TNRC6A: variants seen among roughly 807,000 people sequenced by gnomAD.
TNRC6A encodes trinucleotide repeat containing adaptor 6A.
TNRC6A carries 44 observed loss-of-function variants against 221.2 expected under a neutral mutation model. The observed-to-expected ratio is 0.20, with a 90% CI of 0.16 to 0.26. The LOEUF (loss-of-function observed/expected upper bound fraction) is 0.26, where lower values mean the gene tolerates loss of function less well. Ranked by LOEUF, TNRC6A falls within the 10% of genes least tolerant of loss-of-function variation. The pLI is 1.00. For synonymous variants in TNRC6A, 847 were observed against 838.5 expected, an observed-to-expected ratio of 1.01 and a Z score of -0.18; for missense variants, 2,199 against 2,404.4, an observed-to-expected ratio of 0.91 and a Z score of 1.79.
At chr16:24,637,191 C>T (rs1901680162) in intron 1 of TNRC6A, among the ~76,000 whole-genome samples, 2 of 152,122 alleles carry the variant, frequency 1.3e-5, no homozygotes, top group South Asian at 4.2e-4. Context: ...TACCACCATA[C>T]CTGGCTAGTT....
rs1430496433 is a variant in TNRC6A at position 24,797,556 on chromosome 16, A to T, written c.3628A>T (p.Asn1210Tyr). The T allele has an allele frequency of 1.2e-6, 2 of 1,611,534 alleles. No homozygotes were observed. The highest frequency in any genetic ancestry group is 2.2e-5 in the South Asian group (2 of 90,194). ...AAATCCATTTGTTAAACAGTTTTCA[A>T]ACATCAGTTTTTCGGTAAGTATGTT... ...WINPFVKQFS[N>Y]ISFSRDSPEE... The change falls in exon 10 of 25, where the codon AAC (asparagine) becomes TAC (tyrosine). Residue 1210 changes from asparagine (N) to tyrosine (Y), a missense_variant. Around this residue, in one of 8 missense-constraint regions of TNRC6A, gnomAD observed 158 missense variants for 159.1 expected, o/e 0.99. Transcript: ENST00000395799.
chr16:24,790,256 T>C lies in TNRC6A; in HGVS notation c.1614T>C (p.Asn538=). The C allele has an allele frequency of 6.2e-7, 1 of 1,614,226 alleles. No homozygotes were observed. The highest frequency in any genetic ancestry group is 8.5e-7 in the Non-Finnish European group (1 of 1,180,048). ...NYSGDKCSGP[N]GQANGDTVNA... is the part of the protein sequence containing the mutation. The stretch of plus-strand genomic sequence containing the variant: ...CTGGAGACAAATGTTCAGGCCCTAA[T>C]GGCCAAGCTAATGGTGACACTGTGA... Residue 538 remains asparagine, a synonymous_variant, in exon 6 of 25, where the codon AAT becomes AAC. Transcript: ENST00000395799.
intron 2 of TNRC6A, among the ~76,000 whole-genome samples, chr16:24,685,338 T>C (rs1432255699): frequency 1.3e-5 from 2 of 152,080 alleles, no homozygotes; most frequent in Non-Finnish European, 2.9e-5. Context: ...GTATTCTTTT[T>C]TGGCAGAAAG....
At chr16:24,666,196 C>T (rs533483446) in intron 2 of TNRC6A, among the ~76,000 whole-genome samples, 1 of 152,136 alleles carries the variant, frequency 6.6e-6, no homozygotes, top group Non-Finnish European at 1.5e-5. Context: ...CAGCCAGGAG[C>T]AGTGGCTCAT....
rs550722874 is a variant in TNRC6A at position 24,817,040 on chromosome 16, G to A, written c.4972+84G>A. The stretch of plus-strand genomic sequence containing the variant: ...CATGTAGTACCCAGCTACTCTGGGC[G>A]ACTGAGCCCAGGGTACTCTGGGATC... On this transcript the variant is annotated intron_variant, in intron 20 of 24. Transcript: ENST00000395799. 2.6e-5 allele frequency: 37 copies of A among 1,402,698 alleles called. No homozygotes were observed. The East Asian group carries it at 5.9e-4, about 22-fold the overall frequency. 86.9% of individuals were successfully genotyped at this position (1,402,698 alleles called of 1,614,324 possible).
At chr16:24,778,482 C>G in intron 5 of TNRC6A, 1 of 985,348 alleles carries the variant, frequency 1.0e-6, no homozygotes, top group Non-Finnish European at 1.2e-6. Flanking sequence ...AGTTTTCTAG[C>G]ATAGGCACAT....
At chr16:24,729,943 G>A (rs1388637181) in intron 1 of TNRC6A, 97 bp downstream of exon 1, 34 of 1,075,998 alleles carry the variant, frequency 3.2e-5, no homozygotes, top group Admixed American at 4.8e-5. Flanking sequence ...CGGCGGCGCC[G>A]GGCGTCCCCG....
At chr16:24,623,586 C>A (rs1207440849) in intron 1 of TNRC6A, among the ~76,000 whole-genome samples, 2 of 151,890 alleles carry the variant, frequency 1.3e-5, no homozygotes, top group Non-Finnish European at 2.9e-5. Context: ...CACAGGGTCC[C>A]TTATTTAAAA....
intron 2 of TNRC6A, among the ~76,000 whole-genome samples, chr16:24,741,964 G>A (rs1031353812): frequency 5.9e-5 from 9 of 152,160 alleles, no homozygotes; most frequent in African/African-American, 1.9e-4. Flanking sequence ...AGCCTCCTGA[G>A]GAGCTGGGAC....
At chr16:24,800,485 T>C (rs540970367) in intron 11 of TNRC6A, among the ~76,000 whole-genome samples, 1 of 152,268 alleles carries the variant, frequency 6.6e-6, no homozygotes, top group South Asian at 2.1e-4. Context: ...CAGTAAGACA[T>C]GATGGCTGTG....
At chr16:24,820,598 T>C (rs576163577) in intron 22 of TNRC6A, among the ~76,000 whole-genome samples, 45 of 152,310 alleles carry the variant, frequency 3.0e-4, no homozygotes, top group African/African-American at 1.0e-3. Context: ...TTAAAATGTG[T>C]AGGAACTTCC....
At chr16:24,637,823 T>C (rs1014829581) in intron 1 of TNRC6A, among the ~76,000 whole-genome samples, 2 of 152,184 alleles carry the variant, frequency 1.3e-5, no homozygotes, top group Admixed American at 1.3e-4. Context: ...TCTGGCTCTG[T>C]TGCCCAGGCT....
intron 3 of TNRC6A, among the ~76,000 whole-genome samples, chr16:24,756,152 T>C (rs983213480): frequency 4.6e-5 from 7 of 152,172 alleles, no homozygotes; most frequent in Non-Finnish European, 8.8e-5. Flanking sequence ...TAAAGTATTT[T>C]TAATAAGGCA....
intron 4 of TNRC6A, among the ~76,000 whole-genome samples, chr16:24,774,795 T>TA (rs1259129285): frequency 1.3e-5 from 2 of 152,216 alleles, no homozygotes; most frequent in Non-Finnish European, 2.9e-5. Flanking sequence ...CCCCAACAGA[T>TA]ACCAGAATTC....
intron 2 of TNRC6A, among the ~76,000 whole-genome samples, chr16:24,731,712 G>T (rs1404081281): frequency 6.6e-6 from 1 of 152,110 alleles, no homozygotes; most frequent in Non-Finnish European, 1.5e-5. Flanking sequence ...TCCTATGAAG[G>T]TGCTCTAGTA....
At chr16:24,612,498 G>A (rs1267845313) in intron 1 of TNRC6A, among the ~76,000 whole-genome samples, 4 of 151,862 alleles carry the variant, frequency 2.6e-5, no homozygotes, top group African/African-American at 7.3e-5. Context: ...TGTAATCCCA[G>A]CACTTTGTGG....
intron 2 of TNRC6A, among the ~76,000 whole-genome samples, chr16:24,658,371 T>C (rs557226594): frequency 6.6e-6 from 1 of 152,208 alleles, no homozygotes; most frequent in Non-Finnish European, 1.5e-5. Context: ...TGTTTGTTTG[T>C]TTTTGAGGCA....
In TNRC6A at chr16:24,668,985, GT is replaced by G. The variant is rs544459943; in HGVS notation, n.402+27986del. On this transcript the variant is annotated intron_variant and non_coding_transcript_variant, in intron 2 of 2. Transcript: ENST00000566108. ...AGTCTCGTTGTTTTTATTTTTATGGGTTTTTTTTTTCATGGCAAGTGATGCT... is the reference window on the plus strand; with the variant it reads ...AGTCTCGTTGTTTTTATTTTTATGGGTTTTTTTTTCATGGCAAGTGATGCT... Among the ~76,000 whole-genome samples the G allele has an allele frequency of 1.1e-3, 158 of 148,620 alleles. 1 individual carries two copies. The South Asian group carries it at 0.023, about 21-fold the overall frequency.
chr16:24,619,714 G>A (rs936991429), intron 1 of TNRC6A, among the ~76,000 whole-genome samples: 2 of 152,178 alleles, frequency 1.3e-5, no homozygotes, highest in Non-Finnish European at 2.9e-5. Flanking sequence ...GAACGTCAGA[G>A]AATGTCCCTG....
Sources: gnomAD v4.1 joint callset for allele counts (sites outside exome capture counted in the v4.1 genomes callset) on GRCh38, gnomAD v4.1.1 for gene constraint, gnomAD v4.1.1 regional missense constraint, MANE v1.5 for transcripts, NCBI Gene and HGNC (gene_info 2026-07-23, HGNC 2026-07-21) for gene names.